TEAD1: variants seen among roughly 807,000 people sequenced by gnomAD.
TEAD1 encodes transcriptional enhancer factor TEF-1.
A neutral mutation model predicts 54.9 loss-of-function variants in TEAD1; 9 were observed. That is an observed-to-expected ratio of 0.16 (90% confidence interval 0.10 to 0.29). The LOEUF (loss-of-function observed/expected upper bound fraction) is 0.29. TEAD1 is among the 10% of genes least tolerant of loss of function. TEAD1 has a pLI of 1.00. For synonymous variants in TEAD1, 200 were observed against 187.8 expected (o/e 1.07, Z -0.53); for missense variants, 387 against 535.9 (o/e 0.72, Z 2.74).
rs1342931354 is a variant in TEAD1, at chr11:12,883,042, T to A, written c.616T>A (p.Trp206Arg). The A allele has an allele frequency of 6.2e-7, 1 of 1,614,062 alleles. No individual in the cohort carries two copies. Among genetic ancestry groups the A allele is most frequent in the Non-Finnish European group, 8.5e-7 (1 of 1,180,034 alleles). Residue 206 changes from tryptophan (W) to arginine (R), a missense_variant, in exon 9 of 13, where the codon TGG becomes AGG. Physicochemically the swap from Trp to Arg is moderately radical, Grantham distance 101. Coordinates refer to ENST00000527636, the MANE Select transcript of TEAD1 (RefSeq NM_021961.6). ...GGCCCCAGCTCCCTCAGTCCCTGCC[T>A]GGCAAGGTCGCTCCATTGGCACAAC...
chr11:12,855,815 G>A (rs1271530294), intron 3 of TEAD1, among the ~76,000 whole-genome samples: 1 of 151,834 alleles, frequency 6.6e-6, no homozygotes, highest in African/African-American at 2.4e-5. Flanking sequence ...CAGGTGTGGT[G>A]TACCTGCCTG....
intron 12 of TEAD1, 28 bp from the exon 13 acceptor site, chr11:12,937,081 A>G (rs762826570): frequency 5.5e-6 from 8 of 1,448,646 alleles, no homozygotes; most frequent in Non-Finnish European, 7.8e-6. Context: ...TCCTTTTGGT[A>G]TTATATACTT....
chr11:12,905,531 C>T (rs1948503219), intron 10 of TEAD1, among the ~76,000 whole-genome samples: 1 of 152,240 alleles, frequency 6.6e-6, no homozygotes, highest in East Asian at 1.9e-4. Context: ...AATTTAAATT[C>T]GGTTTGCAAT....
At chr11:12,689,971 T>C (rs928944966) in intron 2 of TEAD1, among the ~76,000 whole-genome samples, 2 of 152,030 alleles carry the variant, frequency 1.3e-5, no homozygotes, top group Non-Finnish European at 2.9e-5. Context: ...CCGGGCACGG[T>C]GGCTCACTCC....
At chr11:12,779,508 A>G (rs895920693) in intron 3 of TEAD1, among the ~76,000 whole-genome samples, 9 of 152,334 alleles carry the variant, frequency 5.9e-5, no homozygotes, top group Admixed American at 2.0e-4. Context: ...AATGGGACCA[A>G]TATTGGCACC....
In TEAD1 at chr11:12,675,571, A is replaced by T. The variant is rs953878503; in HGVS notation, c.-55+10A>T. 2.0e-5 allele frequency: 3 copies of T among 152,236 alleles called. No individual in the cohort carries two copies. Among genetic ancestry groups the T allele is most frequent in the Non-Finnish European group, 4.4e-5 (3 of 68,052 alleles). 9.4% of individuals were successfully genotyped at this position (152,236 alleles called of 1,614,324 possible). ...CTTCCCTTCCCTTTCGGTAGGAAAT[A>T]CTGGGGGATTTGTTTGTTGATTGGA... is the stretch of plus-strand genomic sequence containing the variant. On this transcript the variant is annotated intron_variant, in intron 2 of 12. Transcript: ENST00000527636.
In TEAD1 at chr11:12,764,192, A is replaced by C. The variant is rs753895964; in HGVS notation, c.-41A>C. The C allele has an allele frequency of 6.3e-7, 1 of 1,595,808 alleles. No individual in the cohort carries two copies. The highest frequency in any genetic ancestry group is 8.5e-7 in the Non-Finnish European group (1 of 1,173,810). The stretch of plus-strand genomic sequence containing the variant: ...TTTCTCTTCTAGGTTTATTTTCTTG[A>C]AAAGGCTCCAGGCTTCGGCTTGGAA... On this transcript the variant is annotated 5_prime_UTR_variant, in exon 3 of 13. Coordinates refer to ENST00000527636, the MANE Select transcript of TEAD1 (RefSeq NM_021961.6).
chr11:12,742,681 G>A (rs1944670859), intron 2 of TEAD1, among the ~76,000 whole-genome samples: 1 of 152,018 alleles, frequency 6.6e-6, no homozygotes, highest in African/African-American at 2.4e-5. Flanking sequence ...ATATCACATT[G>A]TACCCCATGA....
intron 3 of TEAD1, among the ~76,000 whole-genome samples, chr11:12,818,131 A>G (rs546622421): frequency 7.2e-5 from 11 of 152,258 alleles, no homozygotes; most frequent in Middle Eastern, 3.4e-3. Context: ...ACCATTAGAC[A>G]CCTTTTAGTT....
chr11:12,811,260 G>T (rs557141075), intron 3 of TEAD1, among the ~76,000 whole-genome samples: 1 of 152,292 alleles, frequency 6.6e-6, no homozygotes, highest in East Asian at 1.9e-4. Flanking sequence ...GTAGGGTGAG[G>T]ACATGAGTTC....
At chr11:12,758,228 G>GT (rs200063279) in intron 2 of TEAD1, among the ~76,000 whole-genome samples, 3,006 of 146,960 alleles carry the variant, frequency 0.02, 100 homozygotes, top group African/African-American at 0.071. Flanking sequence ...CTAAGTTTTT[G>GT]TTTTGTTTTT....
intron 7 of TEAD1, 104 bp from the exon 8 acceptor site, chr11:12,881,792 C>A: frequency 8.5e-7 from 1 of 1,182,754 alleles, no homozygotes; most frequent in Non-Finnish European, 1.3e-6. Context: ...GCAGGGACCA[C>A]AGCGGTGAAG....
chr11:12,839,600 A>G (rs1946981018), intron 3 of TEAD1, among the ~76,000 whole-genome samples: 1 of 152,196 alleles, frequency 6.6e-6, no homozygotes, highest in Non-Finnish European at 1.5e-5. Flanking sequence ...CCTGCCGTGT[A>G]GTAGTACTTT....
intron 3 of TEAD1, among the ~76,000 whole-genome samples, chr11:12,798,500 C>T (rs187544291): frequency 1.8e-3 from 272 of 152,274 alleles, no homozygotes; most frequent in African/African-American, 6.3e-3. Flanking sequence ...GACTTGATTT[C>T]TCTTTTTTTA....
intron 5 of TEAD1, among the ~76,000 whole-genome samples, chr11:12,868,799 C>T (rs769156036): frequency 1.6e-4 from 24 of 152,164 alleles, no homozygotes; most frequent in Non-Finnish European, 3.2e-4. Context: ...AGACGTTGGG[C>T]ACATAGAATT....
chr11:12,846,462 A>C (rs573803149), intron 3 of TEAD1, among the ~76,000 whole-genome samples: 12 of 152,144 alleles, frequency 7.9e-5, no homozygotes, highest in Non-Finnish European at 1.3e-4. Flanking sequence ...TTTACAAAGC[A>C]ACATTCAGGG....
At chr11:12,802,498 C>T (rs557531012) in intron 3 of TEAD1, among the ~76,000 whole-genome samples, 10 of 152,070 alleles carry the variant, frequency 6.6e-5, no homozygotes, top group Admixed American at 2.6e-4. Context: ...CCCATCTCAC[C>T]GCCGCCCGAC....
intron 10 of TEAD1, among the ~76,000 whole-genome samples, chr11:12,909,184 G>A (rs1948575690): frequency 6.6e-6 from 1 of 152,106 alleles, no homozygotes; most frequent in Non-Finnish European, 1.5e-5. Flanking sequence ...TAGAAACAAT[G>A]ATTACTATTA....
At chr11:12,902,219 C>G (rs1589974673) in intron 10 of TEAD1, 106 bp downstream of exon 10, 1 of 1,419,702 alleles carries the variant, frequency 7.0e-7, no homozygotes, top group Non-Finnish European at 1.0e-6. Context: ...CTGAGTGCAC[C>G]TTCATGTGCT....
Sources: allele counts gnomAD v4.1 joint callset (sites outside exome capture counted in the v4.1 genomes callset), GRCh38; gene constraint gnomAD v4.1.1; transcripts MANE v1.5; gene names NCBI Gene and HGNC (gene_info 2026-07-23, HGNC 2026-07-21).